ACTN1: variants seen among roughly 807,000 people sequenced by gnomAD.
ACTN1 encodes actinin alpha 1.
Under a neutral mutation model 119.6 loss-of-function variants are expected in ACTN1, and 30 were observed. The observed-to-expected ratio is 0.25, with a 90% CI of 0.19 to 0.34. The LOEUF is 0.34. Ranked by LOEUF, ACTN1 falls within the 10% of genes least tolerant of loss-of-function variation. ACTN1 has a pLI of 1.00. For synonymous variants in ACTN1, 429 were observed against 472.6 expected, an observed-to-expected ratio of 0.91 and a Z score of 1.20; for missense variants, 764 against 1,223.4, an observed-to-expected ratio of 0.62 and a Z score of 5.60.
chr14:68,877,151 G>A lies in ACTN1; in HGVS notation c.2517C>T (p.Ser839=). ...VTFQAFIDFM[S]RETADTDTAD... ...CTGTATCTGTGTCGGCTGTCTCGCGGGACATGAAGTCAATGAAGGCCTGGA... is the reference window on the plus strand; with the variant it reads ...CTGTATCTGTGTCGGCTGTCTCGCGAGACATGAAGTCAATGAAGGCCTGGA... The change falls in exon 21 of 22, where the codon TCC becomes TCT. Residue 839 remains serine, a synonymous_variant. Coordinates refer to ENST00000394419, the MANE Select transcript of ACTN1 (RefSeq NM_001130004.2). 1.9e-6 allele frequency: 3 copies of A among 1,614,208 alleles called. No individual in the cohort carries two copies. Among genetic ancestry groups the A allele is most frequent in the Non-Finnish European group, 2.5e-6 (3 of 1,180,026 alleles).
intron 1 of ACTN1, among the ~76,000 whole-genome samples, chr14:68,941,788 T>TC (rs2035768952): frequency 6.6e-6 from 1 of 152,082 alleles, no homozygotes; most frequent in African/African-American, 2.4e-5. Flanking sequence ...CCAGGTAGCA[T>TC]CAAGGGATCA....
chr14:68,905,036 A>G (rs1482397758), intron 6 of ACTN1, among the ~76,000 whole-genome samples: 1 of 152,240 alleles, frequency 6.6e-6, no homozygotes, highest in Non-Finnish European at 1.5e-5. Context: ...TGCCAAGGGC[A>G]GGGCACTGGC....
intron 1 of ACTN1, chr14:68,936,967 C>T (rs559881946): frequency 8.8e-6 from 4 of 454,710 alleles, no homozygotes; most frequent in African/African-American, 4.0e-5. Context: ...TGCTATTGTA[C>T]TCACCTCTGA....
rs1325542139 is a variant in ACTN1, at chr14:68,878,770, G to A, written c.2361+219C>T. 2.6e-6 allele frequency: 4 copies of A among 1,556,158 alleles called. No individual in the cohort carries two copies. The highest frequency in any genetic ancestry group is 3.5e-6 in the Non-Finnish European group (4 of 1,158,600). ...CACCCATGGGATGAAGAGCAGCGAG[G>A]ACGGAAGACAGCGGGCACCCAGTAG... On this transcript the variant is annotated intron_variant, in intron 19 of 21. Coordinates refer to ENST00000394419, the MANE Select transcript of ACTN1 (RefSeq NM_001130004.2). The surrounding 1 kb of genome is among the most constrained non-coding windows in gnomAD (Gnocchi z 4.4).
intron 1 of ACTN1, among the ~76,000 whole-genome samples, chr14:68,930,187 G>A (rs2035159048): frequency 1.3e-5 from 2 of 152,188 alleles, no homozygotes; most frequent in African/African-American, 4.8e-5. Flanking sequence ...AGCCACAACA[G>A]GCCTCTTTGA....
intron 1 of ACTN1, among the ~76,000 whole-genome samples, chr14:68,969,719 G>C (rs1293412925): frequency 6.6e-6 from 1 of 152,174 alleles, no homozygotes; most frequent in African/African-American, 2.4e-5. Context: ...CCCCATATTG[G>C]GGGTGTCGAG....
In ACTN1 at chr14:68,882,792, T is replaced by C. The variant is rs1262797122; in HGVS notation, c.1818+81A>G. Reference sequence around the variant, plus strand: ...TACTATATGACAATTTTAAATGAAATTGACAAAAATCAATTAAAATGGACA... The same window carrying C: ...TACTATATGACAATTTTAAATGAAACTGACAAAAATCAATTAAAATGGACA... On this transcript the variant is annotated intron_variant, in intron 15 of 21. Coordinates refer to ENST00000394419, the MANE Select transcript of ACTN1 (RefSeq NM_001130004.2). This position sits in a 1 kb window ranked among gnomAD's most constrained non-coding sequence, Gnocchi z 4.5. 18 of 1,560,068 alleles carry C rather than the reference T, an allele frequency of 1.2e-5. No homozygotes were observed. The highest frequency in any genetic ancestry group is 1.5e-5 in the Non-Finnish European group (17 of 1,144,514).
intron 1 of ACTN1, among the ~76,000 whole-genome samples, chr14:68,929,357 C>T (rs920798417): frequency 5.9e-5 from 9 of 152,142 alleles, no homozygotes; most frequent in African/African-American, 9.7e-5. Flanking sequence ...TAGAGACCCA[C>T]GGCCCCAAGA....
chr14:68,882,919 G>A lies in ACTN1; in HGVS notation c.1772C>T (p.Pro591Leu). The change falls in exon 15 of 22, where the codon CCC (proline) becomes CTC (leucine). Residue 591 changes from proline to leucine, a missense_variant. Physicochemically the swap from Pro to Leu is moderately conservative, Grantham distance 98 (BLOSUM62 -3). This residue lies in a region of ACTN1 where 544 missense variants were observed against 912.0 expected (regional missense o/e 0.60). Coordinates refer to ENST00000394419, the MANE Select transcript of ACTN1 (RefSeq NM_001130004.2). This position sits in a 1 kb window ranked among gnomAD's most constrained non-coding sequence, Gnocchi z 4.5. The part of the protein sequence containing the change: ...TYHVNMAGTN[P>L]YTTITPQEIN... ...CTCCTGAGGCGTGATGGTTGTGTAGGGGTTGGTGCCCGCCATATTGACGTG... is the reference window on the plus strand; with the variant it reads ...CTCCTGAGGCGTGATGGTTGTGTAGAGGTTGGTGCCCGCCATATTGACGTG... 6.2e-7 allele frequency: 1 copy of A among 1,613,960 alleles called. No homozygotes were observed. Among genetic ancestry groups the A allele is most frequent in the Non-Finnish European group, 8.5e-7 (1 of 1,179,978 alleles).
At chr14:68,897,617 G>A (rs1473769192) in intron 8 of ACTN1, among the ~76,000 whole-genome samples, 1 of 152,198 alleles carries the variant, frequency 6.6e-6, no homozygotes, top group African/African-American at 2.4e-5. Flanking sequence ...TGAATGCCAC[G>A]AGGATCTCAT....
chr14:68,893,469 G>T (rs1286745147), intron 9 of ACTN1, among the ~76,000 whole-genome samples, 186 bp downstream of exon 9: 1 of 152,190 alleles, frequency 6.6e-6, no homozygotes, highest in Non-Finnish European at 1.5e-5. Context: ...TCAGGGACTG[G>T]CCTCTGCCCC....
rs1327261145 is a variant in ACTN1, at chr14:68,881,006, A to C, written c.1954-17T>G. Reference sequence around the variant, plus strand: ...CCCGATCTCCTGCTCACCGGGAAGGAAGCACCTTGTCAGACCACCTCACTC... The same window carrying C: ...CCCGATCTCCTGCTCACCGGGAAGGCAGCACCTTGTCAGACCACCTCACTC... On this transcript the variant is annotated splice_polypyrimidine_tract_variant and intron_variant, in intron 16 of 21. Transcript: ENST00000394419. 3 of 1,613,248 alleles carry C rather than the reference A, an allele frequency of 1.9e-6. No homozygotes were observed. The highest frequency in any genetic ancestry group is 2.5e-6 in the Non-Finnish European group (3 of 1,179,660).
At chr14:68,942,675 A>G (rs530588539) in intron 1 of ACTN1, among the ~76,000 whole-genome samples, 170 of 152,336 alleles carry the variant, frequency 1.1e-3, no homozygotes, top group Non-Finnish European at 1.7e-3. Context: ...GGGATCCGGA[A>G]GCCCTCGTGC....
intron 3 of ACTN1, among the ~76,000 whole-genome samples, chr14:68,918,596 A>G (rs1388492586): frequency 2.0e-5 from 3 of 151,184 alleles, no homozygotes; most frequent in East Asian, 3.9e-4. Flanking sequence ...AAAAAAAAAA[A>G]AGAAGTTTCA....
chr14:68,884,990 CA>C (rs2031872006), intron 12 of ACTN1, 107 bp from the exon 13 acceptor site: 1 of 893,238 alleles, frequency 1.1e-6, no homozygotes, highest in Non-Finnish European at 1.8e-6. Flanking sequence ...TGGGAAGAGC[CA>C]GGGGCGCTCC....
At position 68,921,248 on chromosome 14, in the gene ACTN1, C is replaced by A. The variant is rs1050742184; in HGVS notation, c.221-123G>T. The A allele has an allele frequency of 3.9e-6, 5 of 1,285,870 alleles. No individual in the cohort carries two copies. In the Admixed American group the frequency reaches 7.5e-5, roughly 19 times the overall value. 79.7% of individuals were successfully genotyped at this position (1,285,870 alleles called of 1,614,324 possible). On this transcript the variant is annotated intron_variant, in intron 2 of 21. Transcript: ENST00000394419. ...AGGCAGAAGCATGTGCATGTGTGCA[C>A]GTGTGTGTGTGCTCACACGCTGCTC...
rs573141969 is a variant in ACTN1, at chr14:68,914,442, C to T, written c.341-2200G>A. ...ACTTGTAATCAAAGAAATAAGATCA[C>T]CTTCCCAGCTATTAAATTAGCAAAG... On this transcript the variant is annotated intron_variant, in intron 3 of 21. Transcript: ENST00000394419. Among the ~76,000 whole-genome samples the T allele has an allele frequency of 1.6e-4, 24 of 152,294 alleles. 1 individual carries two copies. The South Asian group carries it at 4.8e-3, about 30-fold the overall frequency.
chr14:68,935,941 C>CCATTCA (rs1243134325), intron 1 of ACTN1, among the ~76,000 whole-genome samples: 3 of 152,188 alleles, frequency 2.0e-5, no homozygotes, highest in Admixed American at 2.0e-4. Flanking sequence ...ATACCAGCCA[C>CCATTCA]CATTCAGGCC....
Position 68,878,501 on chromosome 14 carries a change from G to A in ACTN1, c.2384C>T (p.Thr795Met), listed in dbSNP as rs376954575. The A allele has an allele frequency of 5.6e-5, 89 of 1,591,910 alleles. 1 individual carries two copies. The highest frequency in any genetic ancestry group is 4.9e-4 in the South Asian group (43 of 87,606). Residue 795 changes from threonine (T) to methionine (M), a missense_variant, in exon 20 of 22, where the codon ACG (threonine) becomes ATG (methionine). Thr to Met is a moderately conservative substitution (Grantham distance 81, BLOSUM62 -1). This residue lies in a region of ACTN1 where 544 missense variants were observed against 912.0 expected (regional missense o/e 0.60). Coordinates refer to ENST00000394419, the MANE Select transcript of ACTN1 (RefSeq NM_001130004.2). The surrounding 1 kb of genome is among the most constrained non-coding windows in gnomAD (Gnocchi z 4.4). Reference protein sequence around the residue: ...DPQKKTGMMDTDDFRACLISM... With the variant: ...DPQKKTGMMDMDDFRACLISM... ...GATCAGGCAGGCGCGGAAATCATCCGTGTCCATCATGCCTGTCTTCTTCTG... is the reference window on the plus strand; with the variant it reads ...GATCAGGCAGGCGCGGAAATCATCCATGTCCATCATGCCTGTCTTCTTCTG...
Sources: allele counts gnomAD v4.1 joint callset (sites outside exome capture counted in the v4.1 genomes callset), GRCh38; gene constraint gnomAD v4.1.1; regional missense constraint gnomAD v4.1.1; non-coding constraint Gnocchi (gnomAD v3.1); transcripts MANE v1.5; gene names NCBI Gene and HGNC (gene_info 2026-07-23, HGNC 2026-07-21).